Variants in SLC9A9 observed in about 807,000 individuals in gnomAD.
SLC9A9 encodes sodium/hydrogen exchanger 9.
SLC9A9 carries 62 observed loss-of-function variants against 77.8 expected under a neutral mutation model. That is an observed-to-expected ratio of 0.80 (90% CI 0.65 to 0.98). The LOEUF is 0.98. Among genes scored for constraint, SLC9A9 ranks in the 50% least tolerant of loss-of-function variants. SLC9A9 has a pLI of 0.00. For missense variants in SLC9A9, 775 were observed against 774.9 expected, an observed-to-expected ratio of 1.00 and a Z score of 0.00; for synonymous variants, 320 against 283.5, an observed-to-expected ratio of 1.13 and a Z score of -1.29.
intron 4 of SLC9A9, among the ~76,000 whole-genome samples, chr3:143,762,194 G>T (rs1392561967): frequency 1.3e-5 from 2 of 152,118 alleles, no homozygotes; most frequent in African/African-American, 2.4e-5. Context: ...CCTGTCGTGG[G>T]GTTGGGGGAG....
intron 14 of SLC9A9, among the ~76,000 whole-genome samples, chr3:143,284,038 C>A (rs1451681315): frequency 7.0e-6 from 1 of 142,864 alleles, no homozygotes; most frequent in Non-Finnish European, 1.5e-5. Flanking sequence ...GTTCCAGGAC[C>A]TTTTTTTTTT....
At chr3:143,298,199 G>A (rs975962247) in intron 14 of SLC9A9, among the ~76,000 whole-genome samples, 1 of 152,246 alleles carries the variant, frequency 6.6e-6, no homozygotes, top group Non-Finnish European at 1.5e-5. Flanking sequence ...GTTAGCCACT[G>A]TGTATCCATT....
chr3:143,514,207 G>A (rs971767077), intron 9 of SLC9A9, among the ~76,000 whole-genome samples: 1 of 146,974 alleles, frequency 6.8e-6, no homozygotes, highest in East Asian at 2.0e-4. Flanking sequence ...TATTTTGAAA[G>A]GAACCTTTTT....
chr3:143,372,457 AT>A (rs2033078975), intron 13 of SLC9A9, among the ~76,000 whole-genome samples: 1 of 152,112 alleles, frequency 6.6e-6, no homozygotes, highest in Non-Finnish European at 1.5e-5. Flanking sequence ...CTCTCACCTT[AT>A]AAAAAAAAAC....
Position 143,759,228 on chromosome 3 carries a change from C to T in SLC9A9, c.533+35773G>A, listed in dbSNP as rs150499472. 4.6e-3 allele frequency among the ~76,000 whole-genome samples: 707 copies of T among 152,154 alleles called. 8 individuals carry two copies. The highest frequency in any genetic ancestry group is 0.024 in the Middle Eastern group (7 of 294). ...TGGATGACAGACCTCTTGAGAGCTA[C>T]CATGACATCCCCAAGAGTGGGTTCA... is the stretch of plus-strand genomic sequence containing the variant. On this transcript the variant is annotated intron_variant, in intron 4 of 15. Transcript: ENST00000316549.
At chr3:143,420,957 T>C (rs1223540498) in intron 12 of SLC9A9, among the ~76,000 whole-genome samples, 1 of 152,096 alleles carries the variant, frequency 6.6e-6, no homozygotes, top group Non-Finnish European at 1.5e-5. Flanking sequence ...ACAAAATCAA[T>C]GTACAAAAAT....
intron 6 of SLC9A9, among the ~76,000 whole-genome samples, chr3:143,606,418 CTCTCTCTCTCTCTCTCTCTATA>C (rs1161391635): frequency 1.4e-5 from 1 of 69,626 alleles, no homozygotes; most frequent in African/African-American, 5.2e-5. Context: ...CTCTCTCTCT[CTCTCTCTCTCTCTCTCTCTATA>C]TATATATATA....
At chr3:143,689,523 C>T (rs1933388426) in intron 5 of SLC9A9, among the ~76,000 whole-genome samples, 1 of 152,146 alleles carries the variant, frequency 6.6e-6, no homozygotes, top group African/African-American at 2.4e-5. Flanking sequence ...CTCAGCCTCC[C>T]AAGTAGCTAT....
At chr3:143,294,923 G>T (rs979807632) in intron 14 of SLC9A9, among the ~76,000 whole-genome samples, 1 of 152,170 alleles carries the variant, frequency 6.6e-6, no homozygotes, top group Non-Finnish European at 1.5e-5. Flanking sequence ...TAATGCTTAT[G>T]ACACAAAATT....
chr3:143,839,900 T>TGG (rs2009664800), intron 1 of SLC9A9, among the ~76,000 whole-genome samples: 3 of 152,218 alleles, frequency 2.0e-5, no homozygotes, highest in Non-Finnish European at 4.4e-5. Context: ...CAAAGTGTTA[T>TGG]AGACGGTGAA....
intron 6 of SLC9A9, among the ~76,000 whole-genome samples, chr3:143,634,766 G>A (rs183104009): frequency 5.6e-4 from 85 of 152,192 alleles, no homozygotes; most frequent in African/African-American, 2.0e-3. Flanking sequence ...GTATTTGTTT[G>A]GGGATTGTGG....
intron 4 of SLC9A9, among the ~76,000 whole-genome samples, chr3:143,707,376 A>ACT (rs1934011917): frequency 6.9e-6 from 1 of 145,522 alleles, no homozygotes; most frequent in Admixed American, 6.7e-5. Context: ...ATCTACACAC[A>ACT]CACACACACA....
At chr3:143,507,041 T>A (rs935292995) in intron 9 of SLC9A9, among the ~76,000 whole-genome samples, 2 of 152,026 alleles carry the variant, frequency 1.3e-5, no homozygotes, top group African/African-American at 4.8e-5. Flanking sequence ...TATTTAGAGA[T>A]TGCTGACCTC....
At chr3:143,607,407 C>G (rs1180244488) in intron 6 of SLC9A9, among the ~76,000 whole-genome samples, 1 of 151,896 alleles carries the variant, frequency 6.6e-6, no homozygotes, top group Non-Finnish European at 1.5e-5. Flanking sequence ...AAAGTAACCA[C>G]TAATTGTAAA....
At chr3:143,549,756 T>A (rs1378607303) in intron 9 of SLC9A9, among the ~76,000 whole-genome samples, 4 of 152,194 alleles carry the variant, frequency 2.6e-5, no homozygotes, top group Admixed American at 1.3e-4. Context: ...TTTGAAGTTC[T>A]GCTGAGCAGT....
At chr3:143,364,626 A>T (rs1274327110) in intron 13 of SLC9A9, among the ~76,000 whole-genome samples, 1 of 152,146 alleles carries the variant, frequency 6.6e-6, no homozygotes, top group African/African-American at 2.4e-5. Flanking sequence ...AAATAGCTGG[A>T]CACAAAAGGC....
intron 4 of SLC9A9, among the ~76,000 whole-genome samples, chr3:143,786,306 T>C (rs1470393243): frequency 3.3e-5 from 5 of 152,224 alleles, no homozygotes; most frequent in Non-Finnish European, 7.3e-5. Context: ...GCATTTTTCT[T>C]TTTTACCACA....
chr3:143,306,578 G>A (rs1162614308), intron 14 of SLC9A9, among the ~76,000 whole-genome samples: 1 of 152,044 alleles, frequency 6.6e-6, no homozygotes, highest in Non-Finnish European at 1.5e-5. Flanking sequence ...GAATCACCAG[G>A]GCCTGGCACA....
At chr3:143,621,964 A>G (rs1369919061) in intron 6 of SLC9A9, among the ~76,000 whole-genome samples, 1 of 152,238 alleles carries the variant, frequency 6.6e-6, no homozygotes, top group Non-Finnish European at 1.5e-5. Flanking sequence ...ACTACATGAC[A>G]AATGAACAAG....
Sources: gnomAD v4.1 joint callset for allele counts (sites outside exome capture counted in the v4.1 genomes callset) on GRCh38, gnomAD v4.1.1 for gene constraint, MANE v1.5 for transcripts, NCBI Gene and HGNC (gene_info 2026-07-23, HGNC 2026-07-21) for gene names.